NCKAP1: variants seen among roughly 807,000 people sequenced by gnomAD.
NCKAP1 encodes nck-associated protein 1.
Under a neutral mutation model 151.2 loss-of-function variants are expected in NCKAP1, and 21 were observed. That is an observed-to-expected ratio of 0.14 (90% CI 0.10 to 0.20). The LOEUF is 0.20. NCKAP1 is among the 10% of genes least tolerant of loss of function. NCKAP1 has a pLI of 1.00. For missense variants in NCKAP1, 933 were observed against 1,352.1 expected (o/e 0.69, Z 4.86); for synonymous variants, 484 against 451.8 (o/e 1.07, Z -0.90).
intron 10 of NCKAP1, among the ~76,000 whole-genome samples, chr2:182,985,857 T>C (rs1575048285): frequency 6.6e-6 from 1 of 152,036 alleles, no homozygotes; most frequent in Non-Finnish European, 1.5e-5. Context: ...ATATATTAAT[T>C]TTCATGTAGT....
In NCKAP1 at chr2:183,036,027, C is replaced by T. The variant is rs186673424; in HGVS notation, c.108+1965G>A. On this transcript the variant is annotated intron_variant, in intron 1 of 30. Coordinates refer to ENST00000361354, the MANE Select transcript of NCKAP1 (RefSeq NM_013436.5). ...GCTAAAATATGACGTTTCAATAAAT[C>T]AAAATATTTGACATGGATATAATAA... Among the ~76,000 whole-genome samples, 4 of 152,142 alleles carry T rather than the reference C, an allele frequency of 2.6e-5. No individual in the cohort carries two copies. The East Asian group carries it at 7.7e-4, about 29-fold the overall frequency.
chr2:183,022,986 T>C (rs1359459600), intron 2 of NCKAP1: 2 of 152,166 alleles, frequency 1.3e-5, no homozygotes, highest in Non-Finnish European at 2.9e-5. Context: ...ATATATCTTT[T>C]CAACAGAGCT....
At chr2:182,981,838 G>A (rs962331983) in intron 12 of NCKAP1, among the ~76,000 whole-genome samples, 4 of 150,278 alleles carry the variant, frequency 2.7e-5, no homozygotes, top group African/African-American at 9.8e-5. Context: ...GAACCCAGGA[G>A]GTTGAGGTTG....
At chr2:183,019,809 A>G (rs1698761712) in intron 2 of NCKAP1, among the ~76,000 whole-genome samples, 1 of 152,220 alleles carries the variant, frequency 6.6e-6, no homozygotes, top group Non-Finnish European at 1.5e-5. Flanking sequence ...TCATGACCCA[A>G]GGAAAAAACC....
At chr2:183,015,911 G>A (rs1380907215) in intron 2 of NCKAP1, among the ~76,000 whole-genome samples, 1 of 151,634 alleles carries the variant, frequency 6.6e-6, no homozygotes, top group Non-Finnish European at 1.5e-5. Context: ...GTTAAAAAAG[G>A]AAGTAATCAA....
In NCKAP1 at chr2:182,912,471, G is replaced by A. The variant is rs1180959801; in HGVS notation, c.*13231C>T. 1 of 152,172 alleles carries A rather than the reference G, an allele frequency of 6.6e-6. No individual in the cohort carries two copies. The highest frequency in any genetic ancestry group is 1.5e-5 in the Non-Finnish European group (1 of 68,042). The allele number at this position is 152,172 out of a possible 1,614,324, so 9.4% of individuals were successfully genotyped here. ...TAGCACATTATAATAATCCTGTTGT[G>A]CAGTACTCCTTTCCAATGACCTGTA... On this transcript the variant is annotated 3_prime_UTR_variant, in exon 31 of 31. Transcript: ENST00000361354.
Position 182,962,442 on chromosome 2 carries a change from C to A in NCKAP1, c.1762-164G>T, listed in dbSNP as rs535763036. Among the ~76,000 whole-genome samples the A allele has an allele frequency of 1.5e-3, 222 of 152,074 alleles. 1 individual carries two copies. Among genetic ancestry groups the A allele is most frequent in the Non-Finnish European group, 2.7e-3 (186 of 67,980 alleles). ...TTGCCTCTTGTAACAACTAACTCAC[C>A]ATACTGTATTTGAACATAAATGACA... On this transcript the variant is annotated intron_variant, in intron 17 of 30. Transcript: ENST00000361354.
rs776462485 is a variant in NCKAP1, at chr2:183,038,101, G to GTGGTGC, written c.-8_-3dup. 6.4e-7 allele frequency: 1 copy of GTGGTGC among 1,555,516 alleles called. No individual in the cohort carries two copies. The highest frequency in any genetic ancestry group is 1.2e-5 in the South Asian group (1 of 86,292). On this transcript the variant is annotated 5_prime_UTR_variant, in exon 1 of 31. Transcript: ENST00000361354. Reference sequence around the variant, plus strand: ...GGGCTGCAGCACTGAGCGCGACATGGTGGTGCTGGTGCCGCCGCCGCCGCC... The same window carrying GTGGTGC: ...GGGCTGCAGCACTGAGCGCGACATGGTGGTGCTGGTGCTGGTGCCGCCGCCGCCGCC...
intron 14 of NCKAP1, 26 bp downstream of exon 14, chr2:182,978,808 A>C (rs961749150): frequency 7.4e-7 from 1 of 1,344,744 alleles, no homozygotes; most frequent in Non-Finnish European, 1.0e-6. Context: ...AGAAGAAAAT[A>C]TGCTTTTATT....
intron 1 of NCKAP1, among the ~76,000 whole-genome samples, chr2:183,033,575 G>C (rs1699045775): frequency 6.6e-6 from 1 of 152,134 alleles, no homozygotes; most frequent in Admixed American, 6.5e-5. Context: ...CCTCATGCCA[G>C]GGAACACATT....
intron 20 of NCKAP1, among the ~76,000 whole-genome samples, chr2:182,953,731 G>A (rs1438579166): frequency 6.6e-6 from 1 of 152,108 alleles, no homozygotes; most frequent in African/African-American, 2.4e-5. Flanking sequence ...CCAGCAGGCA[G>A]AGGTTGCAGT....
chr2:182,970,196 C>T (rs1697658274), intron 15 of NCKAP1, among the ~76,000 whole-genome samples: 1 of 152,132 alleles, frequency 6.6e-6, no homozygotes, highest in Admixed American at 6.5e-5. Context: ...AGAACTAATA[C>T]CAATTCTACT....
chr2:182,956,638 A>C, intron 19 of NCKAP1, 45 bp from the exon 20 acceptor site: 1 of 1,540,754 alleles, frequency 6.5e-7, no homozygotes, highest in Non-Finnish European at 8.7e-7. Context: ...ATGTCATCAC[A>C]GGCAATACAA....
intron 17 of NCKAP1, 120 bp downstream of exon 17, chr2:182,964,556 A>C: frequency 3.8e-4 from 253 of 666,926 alleles, no homozygotes; most frequent in Non-Finnish European, 5.6e-4. Context: ...GATTCTGCAT[A>C]GAGATGTATT....
At position 182,980,460 on chromosome 2, in the gene NCKAP1, T is replaced by C. The variant is rs1697914560; in HGVS notation, c.1341+784A>G. Among the ~76,000 whole-genome samples, 7 of 152,092 alleles carry C rather than the reference T, an allele frequency of 4.6e-5. No individual in the cohort carries two copies. In the South Asian group the frequency reaches 1.2e-3, roughly 27 times the overall value. ...ATTCTTAACTGTTTTCTTTATACTA[T>C]GTATTAGCTTACAGTCATTTGAAAC... On this transcript the variant is annotated intron_variant, in intron 13 of 30. Transcript: ENST00000361354.
intron 15 of NCKAP1, among the ~76,000 whole-genome samples, chr2:182,971,393 C>CAAAAAAAA (rs1190689259): frequency 1.5e-5 from 1 of 68,956 alleles, no homozygotes; most frequent in Non-Finnish European, 2.9e-5. Context: ...GACTCCGTCT[C>CAAAAAAAA]AAAAAAAAAA....
At chr2:182,961,822 A>G (rs941367972) in intron 18 of NCKAP1, among the ~76,000 whole-genome samples, 1 of 152,198 alleles carries the variant, frequency 6.6e-6, no homozygotes, top group African/African-American at 2.4e-5. Flanking sequence ...CTGAGCTTCA[A>G]TCTGAATTAT....
chr2:183,021,997 A>C (rs1454533941), intron 2 of NCKAP1, among the ~76,000 whole-genome samples: 2 of 152,214 alleles, frequency 1.3e-5, no homozygotes, highest in Non-Finnish European at 2.9e-5. Context: ...TTGTGCTTCA[A>C]AAGTTAGAAA....
chr2:183,029,349 C>T (rs1276503849), intron 1 of NCKAP1, among the ~76,000 whole-genome samples: 1 of 152,036 alleles, frequency 6.6e-6, no homozygotes, highest in African/African-American at 2.4e-5. Context: ...CACTCTACCA[C>T]AAACCCCCAT....
Sources: gnomAD v4.1 joint callset for allele counts (sites outside exome capture counted in the v4.1 genomes callset) on GRCh38, gnomAD v4.1.1 for gene constraint, MANE v1.5 for transcripts, NCBI Gene and HGNC (gene_info 2026-07-23, HGNC 2026-07-21) for gene names.